RALYL: variants seen among roughly 807,000 people sequenced by gnomAD.
RALYL encodes the protein RALY RNA binding protein like.
Under a neutral mutation model 35.1 loss-of-function variants are expected in RALYL, and 29 were observed. The ratio of observed to expected loss-of-function variants is 0.83; its 90% CI spans 0.61 to 1.13. The LOEUF (loss-of-function observed/expected upper bound fraction) is 1.13, where lower values mean the gene tolerates loss of function less well. RALYL is among the 50% of genes most tolerant of loss of function. The pLI, the probability that RALYL is intolerant of heterozygous loss-of-function variation, is 0.00. For synonymous variants in RALYL, 120 were observed against 127.6 expected (o/e 0.94, Z 0.40); for missense variants, 359 against 360.4 (o/e 1.00, Z 0.03).
chr8:84,726,949 T>A (rs1845080332), intron 2 of RALYL, among the ~76,000 whole-genome samples: 1 of 152,034 alleles, frequency 6.6e-6, no homozygotes, highest in Non-Finnish European at 1.5e-5. Context: ...TAAGATTAGT[T>A]CTGCTACAGT....
At chr8:84,225,070 G>A (rs780856378) in intron 1 of RALYL, among the ~76,000 whole-genome samples, 3 of 152,184 alleles carry the variant, frequency 2.0e-5, no homozygotes, top group Non-Finnish European at 2.9e-5. Flanking sequence ...TGCTGTCTCA[G>A]TTGATGACAT....
chr8:84,608,509 T>A (rs1462639458), intron 2 of RALYL, among the ~76,000 whole-genome samples: 1 of 152,150 alleles, frequency 6.6e-6, no homozygotes, highest in Non-Finnish European at 1.5e-5. Context: ...ACTCCCTGGA[T>A]CTGCTAGACT....
At chr8:84,353,666 C>T (rs1851321031) in intron 1 of RALYL, among the ~76,000 whole-genome samples, 1 of 150,222 alleles carries the variant, frequency 6.7e-6, no homozygotes, top group African/African-American at 2.5e-5. Context: ...AGGTGCAAGA[C>T]TTAACATTAA....
intron 1 of RALYL, among the ~76,000 whole-genome samples, chr8:84,241,503 C>T (rs780351461): frequency 6.6e-6 from 1 of 151,962 alleles, no homozygotes; most frequent in African/African-American, 2.4e-5. Context: ...GAGGGCCTGG[C>T]GCGGTGGCTC....
At chr8:84,894,933 T>C (rs1362508299) in intron 8 of RALYL, among the ~76,000 whole-genome samples, 3 of 152,162 alleles carry the variant, frequency 2.0e-5, no homozygotes, top group Non-Finnish European at 4.4e-5. Context: ...TCCCATGACT[T>C]TGAGCAAGCC....
chr8:84,482,726 C>T (rs1042022233), intron 1 of RALYL, among the ~76,000 whole-genome samples: 3 of 152,044 alleles, frequency 2.0e-5, no homozygotes, highest in Admixed American at 6.6e-5. Context: ...GTGTCTGTTT[C>T]ACCTCCGTTC....
chr8:84,216,705 A>G lies in RALYL; in HGVS notation c.-24+32281A>G, dbSNP rs1820922401. 3.9e-5 allele frequency among the ~76,000 whole-genome samples: 6 copies of G among 151,942 alleles called. No homozygotes were observed. In the South Asian group the frequency reaches 1.2e-3, roughly 31 times the overall value. On this transcript the variant is annotated intron_variant, in intron 1 of 8. Transcript: ENST00000521268. ...AAATGTTCTGTATCTGCTATTTAGT[A>G]CAGTAGTCACATGTGGCTAATGATC...
intron 3 of RALYL, among the ~76,000 whole-genome samples, chr8:84,788,268 A>AC (rs1478582787): frequency 6.6e-6 from 1 of 152,172 alleles, no homozygotes; most frequent in Non-Finnish European, 1.5e-5. Flanking sequence ...ATGGAACAGA[A>AC]CAGATGTCTA....
chr8:84,418,991 T>A (rs1472255412), intron 1 of RALYL, among the ~76,000 whole-genome samples: 2 of 152,160 alleles, frequency 1.3e-5, no homozygotes, highest in African/African-American at 4.8e-5. Context: ...AACTGCAGCC[T>A]AGTTCTCTCT....
At chr8:84,370,434 CCACACA>C (rs34035078) in intron 1 of RALYL, among the ~76,000 whole-genome samples, 108 of 148,340 alleles carry the variant, frequency 7.3e-4, no homozygotes, top group Admixed American at 3.2e-3. Context: ...TTACATACAA[CCACACA>C]CACACACACA....
In RALYL at chr8:84,192,906, T is replaced by TGGG. The variant is rs771310412; in HGVS notation, c.-24+8491_-24+8493dup. 7.8e-3 allele frequency among the ~76,000 whole-genome samples: 461 copies of TGGG among 59,346 alleles called. 1 individual carries two copies. Among genetic ancestry groups the TGGG allele is most frequent in the Middle Eastern group, 9.3e-3 (1 of 108 alleles). The allele number at this position is 59,346 out of a possible 152,430, so 38.9% of individuals were successfully genotyped here. ...GAGGGAGTGTGTGTGTGTGTGTGTG[T>TGGG]GGGGGGGGGGGTTGTGTACGTGTAT... On this transcript the variant is annotated intron_variant, in intron 1 of 8. Transcript: ENST00000521268.
intron 1 of RALYL, among the ~76,000 whole-genome samples, chr8:84,306,053 A>G (rs1185106081): frequency 6.6e-6 from 1 of 151,482 alleles, no homozygotes; most frequent in African/African-American, 2.4e-5. Flanking sequence ...AGTCCTAGCT[A>G]TTCGGGAGGC....
intron 1 of RALYL, among the ~76,000 whole-genome samples, chr8:84,339,200 C>T (rs1227731059): frequency 1.3e-5 from 2 of 151,984 alleles, no homozygotes; most frequent in Non-Finnish European, 2.9e-5. Context: ...CTGCATGTAA[C>T]CTAGATGTAC....
At position 84,840,339 on chromosome 8, in the gene RALYL, C is replaced by T. The variant is rs1016963979; in HGVS notation, c.366-9641C>T. 5.3e-5 allele frequency among the ~76,000 whole-genome samples: 8 copies of T among 152,030 alleles called. No homozygotes were observed. The East Asian group carries it at 5.8e-4, about 11-fold the overall frequency. ...TGATGAATGGACAAGCCTCAGTAGC[C>T]GATTTGATCAACTGGAAGAAAGGGT... On this transcript the variant is annotated intron_variant, in intron 4 of 8. Transcript: ENST00000521268.
At position 84,479,085 on chromosome 8, in the gene RALYL, CAAAAAAAAAAAAAAAAAAAAA is replaced by C. The variant is rs56799862; in HGVS notation, c.-23-50196_-23-50176del. Among the ~76,000 whole-genome samples, 26 of 21,822 alleles carry C rather than the reference CAAAAAAAAAAAAAAAAAAAAA, an allele frequency of 1.2e-3. No homozygotes were observed. In the South Asian group the frequency reaches 0.022, roughly 18 times the overall value. 14.3% of individuals were successfully genotyped at this position (21,822 alleles called of 152,430 possible). A position where few individuals can be genotyped will look rare whatever the true frequency, so the allele number is the denominator to read the frequency against. On this transcript the variant is annotated intron_variant, in intron 1 of 8. Coordinates refer to ENST00000521268, the MANE Select transcript of RALYL (RefSeq NM_173848.7). Reference sequence around the variant, plus strand: ...TAGGTGACAGAGCAAGACTCCGTCTCAAAAAAAAAAAAAAAAAAAAAAAAAAAAAAAAAAAAAATCTATACA... The same window carrying C: ...TAGGTGACAGAGCAAGACTCCGTCTCAAAAAAAAAAAAAAAAATCTATACA...
At chr8:84,514,090 T>TAAAAAAAAAAAAAAAAAAAAA (rs57881021) in intron 1 of RALYL, among the ~76,000 whole-genome samples, 4 of 41,162 alleles carry the variant, frequency 9.7e-5, no homozygotes, top group Non-Finnish European at 9.7e-5. Flanking sequence ...AGATTTCATC[T>TAAAAAAAAAAAAAAAAAAAAA]AAAAAAAAAA....
intron 1 of RALYL, among the ~76,000 whole-genome samples, chr8:84,362,922 C>T (rs1052166518): frequency 6.6e-6 from 1 of 151,958 alleles, no homozygotes; most frequent in Non-Finnish European, 1.5e-5. Flanking sequence ...GGGATTAAAC[C>T]TTATACAATT....
At chr8:84,582,542 A>AT (rs945491243) in intron 2 of RALYL, among the ~76,000 whole-genome samples, 1 of 151,964 alleles carries the variant, frequency 6.6e-6, no homozygotes, top group African/African-American at 2.4e-5. Context: ...CTCATTCATG[A>AT]TTTTTTTCAT....
chr8:84,844,283 A>C (rs1834100396), intron 4 of RALYL, among the ~76,000 whole-genome samples: 1 of 152,212 alleles, frequency 6.6e-6, no homozygotes, highest in South Asian at 2.1e-4. Flanking sequence ...AAAAAAACAA[A>C]CAACCTCATC....
Sources: allele counts gnomAD v4.1 joint callset (sites outside exome capture counted in the v4.1 genomes callset), GRCh38; gene constraint gnomAD v4.1.1; transcripts MANE v1.5; gene names NCBI Gene and HGNC (gene_info 2026-07-23, HGNC 2026-07-21).